STOX2: variants seen among roughly 807,000 people sequenced by gnomAD.
The protein encoded by STOX2 is storkhead box 2, also known as storkhead-box protein 2.
STOX2 carries 28 observed loss-of-function variants against 60.9 expected under a neutral mutation model. The ratio of observed to expected loss-of-function variants is 0.46; its 90% CI spans 0.34 to 0.63. The LOEUF is 0.63. Ranked by LOEUF, STOX2 falls within the 30% of genes least tolerant of loss-of-function variation. The pLI, the probability that STOX2 is intolerant of heterozygous loss-of-function variation, is 0.01. For synonymous variants in STOX2, 472 were observed against 463.9 expected, an observed-to-expected ratio of 1.02 and a Z score of -0.22; for missense variants, 1,024 against 1,187.7, an observed-to-expected ratio of 0.86 and a Z score of 2.03.
intron 1 of STOX2, among the ~76,000 whole-genome samples, chr4:183,964,978 A>G (rs1053423484): frequency 6.6e-6 from 1 of 152,216 alleles, no homozygotes; most frequent in Admixed American, 6.5e-5. Flanking sequence ...TAGACATGTT[A>G]TCTGTTGAAT....
intron 1 of STOX2, among the ~76,000 whole-genome samples, chr4:183,803,564 AC>A (rs1738816358): frequency 6.6e-6 from 1 of 152,234 alleles, no homozygotes; most frequent in South Asian, 2.1e-4. Flanking sequence ...TAGAGCATTC[AC>A]CAGTTCCTGG....
chr4:183,988,193 A>G (rs1560922695), intron 1 of STOX2: 1 of 151,980 alleles, frequency 6.6e-6, no homozygotes. Flanking sequence ...TGGAGCGATG[A>G]CTCATTTCAG....
chr4:183,844,877 G>A (rs754988954), intron 1 of STOX2, among the ~76,000 whole-genome samples: 6 of 152,160 alleles, frequency 3.9e-5, no homozygotes, highest in African/African-American at 1.4e-4. Flanking sequence ...TGACCCCAAG[G>A]CTAAAATGTT....
At chr4:183,934,258 G>A (rs901016711) in intron 1 of STOX2, among the ~76,000 whole-genome samples, 1 of 152,026 alleles carries the variant, frequency 6.6e-6, no homozygotes, top group African/African-American at 2.4e-5. Context: ...AGCTGAGGTC[G>A]TGCCACTGCA....
intron 1 of STOX2, among the ~76,000 whole-genome samples, chr4:183,940,491 C>A (rs1206992615): frequency 6.6e-6 from 1 of 152,212 alleles, no homozygotes; most frequent in Non-Finnish European, 1.5e-5. Flanking sequence ...TTACCTGGGG[C>A]ATGGCCACCC....
At chr4:183,986,532 C>G (rs1468672511) in intron 1 of STOX2, among the ~76,000 whole-genome samples, 1 of 152,258 alleles carries the variant, frequency 6.6e-6, no homozygotes, top group African/African-American at 2.4e-5. Context: ...TAATAACATT[C>G]AAAGCAAGCA....
chr4:183,856,250 C>T lies in STOX2; in HGVS notation c.364+58195C>T, dbSNP rs1016970784. ...GGCTCACGGCCCCTTTCACACATGT[C>T]GACATTACTCCCCCAAGACGAGCCT... is the stretch of plus-strand genomic sequence containing the variant. On this transcript the variant is annotated intron_variant, in intron 1 of 2. Transcript: ENST00000513034. The surrounding 1 kb of genome is among the most constrained non-coding windows in gnomAD (Gnocchi z 4.0). Among the ~76,000 whole-genome samples the T allele has an allele frequency of 4.0e-5, 6 of 151,508 alleles. No homozygotes were observed. Among genetic ancestry groups the T allele is most frequent in the African/African-American group, 1.2e-4 (5 of 41,320 alleles).
At chr4:183,832,019 C>T (rs1470258926) in intron 1 of STOX2, among the ~76,000 whole-genome samples, 1 of 142,206 alleles carries the variant, frequency 7.0e-6, no homozygotes, top group Non-Finnish European at 1.5e-5. Flanking sequence ...GACAGAGTTT[C>T]ACTCTTGTTG....
chr4:183,988,973 C>G (rs529971415), intron 1 of STOX2, among the ~76,000 whole-genome samples: 6 of 152,316 alleles, frequency 3.9e-5, no homozygotes, highest in African/African-American at 1.4e-4. Flanking sequence ...GGTCCTCCCA[C>G]TGTGGGCTGC....
At chr4:183,819,033 T>TCCTCACATCTCAGACGATGGGTGGCC (rs1560830005) in intron 1 of STOX2, among the ~76,000 whole-genome samples, 86 of 148,866 alleles carry the variant, frequency 5.8e-4, no homozygotes, top group African/African-American at 1.9e-3. Flanking sequence ...GGATGGCGGC[T>TCCTCACATCTCAGACGATGGGTGGCC]GGGCAGAGAC....
intron 1 of STOX2, among the ~76,000 whole-genome samples, chr4:183,918,738 G>C (rs116208415): frequency 0.014 from 2,117 of 152,308 alleles, 57 homozygotes; most frequent in African/African-American, 0.048. Context: ...GGAAATAAAG[G>C]AGGGTGCTAG....
chr4:183,978,428 T>C (rs1430166985), intron 1 of STOX2, among the ~76,000 whole-genome samples: 4 of 152,232 alleles, frequency 2.6e-5, no homozygotes, highest in African/African-American at 4.8e-5. Context: ...GTGGCTTTAT[T>C]TCTTGGTTCT....
At chr4:183,818,694 T>C (rs1165597568) in intron 1 of STOX2, among the ~76,000 whole-genome samples, 1 of 151,074 alleles carries the variant, frequency 6.6e-6, no homozygotes, top group Non-Finnish European at 1.5e-5. Flanking sequence ...GCCCCCCACC[T>C]CCCGGACGGG....
chr4:183,931,012 C>CT (rs11383776), intron 1 of STOX2, among the ~76,000 whole-genome samples: 96,316 of 152,068 alleles, frequency 0.63, 36,761 homozygotes, highest in Non-Finnish European at 0.86. Context: ...CATCTAGAAA[C>CT]TGTCATGTTT....
chr4:183,962,402 C>G (rs961436930), intron 1 of STOX2, among the ~76,000 whole-genome samples: 17 of 151,826 alleles, frequency 1.1e-4, no homozygotes, highest in Non-Finnish European at 2.2e-4. Context: ...TATGATATGG[C>G]AAAATCTTCA....
intron 1 of STOX2, among the ~76,000 whole-genome samples, chr4:183,998,587 G>T (rs1733448378): frequency 6.6e-6 from 1 of 152,172 alleles, no homozygotes; most frequent in Non-Finnish European, 1.5e-5. Flanking sequence ...TGTTGCCCAG[G>T]CTGGAGTGCA....
intron 1 of STOX2, among the ~76,000 whole-genome samples, chr4:183,805,093 G>A (rs1188167480): frequency 6.6e-6 from 1 of 152,174 alleles, no homozygotes; most frequent in African/African-American, 2.4e-5. Context: ...AAAAACCCGG[G>A]AAAGTTCGTT....
intron 3 of STOX2, chr4:184,014,412 A>T (rs539199835): frequency 6.6e-6 from 1 of 152,300 alleles, no homozygotes; most frequent in Non-Finnish European, 1.5e-5. Flanking sequence ...TGCCAGGGGT[A>T]TATCTGCTTA....
chr4:183,918,857 GT>G (rs1222682992), intron 1 of STOX2, among the ~76,000 whole-genome samples: 2 of 152,206 alleles, frequency 1.3e-5, no homozygotes, highest in Non-Finnish European at 2.9e-5. Context: ...GAGGAGCAGC[GT>G]GGGTTTTCCC....
Sources: allele counts gnomAD v4.1 joint callset (sites outside exome capture counted in the v4.1 genomes callset), GRCh38; gene constraint gnomAD v4.1.1; non-coding constraint Gnocchi (gnomAD v3.1); transcripts MANE v1.5; gene names NCBI Gene and HGNC (gene_info 2026-07-23, HGNC 2026-07-21).